The following AKT2 variants were observed in gnomAD, a reference collection of about 807,000 sequenced individuals.
The protein encoded by AKT2 is AKT serine/threonine kinase 2.
AKT2 carries 16 observed loss-of-function variants against 58.6 expected under a neutral mutation model. That is an observed-to-expected ratio of 0.27 (90% confidence interval 0.18 to 0.41). The LOEUF (loss-of-function observed/expected upper bound fraction) is 0.41. Among genes scored for constraint, AKT2 ranks in the 10% least tolerant of loss-of-function variants. The pLI, the probability that AKT2 is intolerant of heterozygous loss-of-function variation, is 1.00. For synonymous variants in AKT2, 253 were observed against 254.0 expected (o/e 1.00, Z 0.04); for missense variants, 438 against 661.0 (o/e 0.66, Z 3.70).
chr19:40,284,891 G>T, intron 1 of AKT2: 2 of 273,212 alleles, frequency 7.3e-6, no homozygotes, highest in Non-Finnish European at 6.8e-6. Flanking sequence ...CGCCGCGCCC[G>T]AAAGGTCCAG....
chr19:40,265,229 G>A lies in AKT2; in HGVS notation c.39C>T (p.His13=), dbSNP rs1299106420. ...GCAAAAGCGGCCTCTTACCACGCTT[G>A]TGGAGCCAGCCTTCTTTGATGACAG... is the stretch of plus-strand genomic sequence containing the variant. ...EVSVIKEGWL[H]KRGEYIKTWR... The change falls in exon 2 of 14, where the codon CAC becomes CAT. Residue 13 remains histidine (H), a synonymous_variant. Coordinates refer to ENST00000392038, the MANE Select transcript of AKT2 (RefSeq NM_001626.6). 6.2e-7 allele frequency: 1 copy of A among 1,613,164 alleles called. No homozygotes were observed. Among genetic ancestry groups the A allele is most frequent in the Admixed American group, 1.7e-5 (1 of 59,850 alleles).
Position 40,285,283 on chromosome 19 carries a change from C to CT in AKT2, c.-188_-187insA, listed in dbSNP as rs1431197362. 2.5e-6 allele frequency: 1 copy of CT among 395,018 alleles called. No individual in the cohort carries two copies. Among genetic ancestry groups the CT allele is most frequent in the African/African-American group, 2.1e-5 (1 of 48,268 alleles). The allele number at this position is 395,018 out of a possible 1,614,324, so 24.5% of individuals were successfully genotyped here. A position where few individuals can be genotyped will look rare whatever the true frequency, so the allele number is the denominator to read the frequency against. ...TTGTGTTTCCCGGCAGCGGCAACGGCGCCGGCAGCGGCAGCGGCGGCGGCG... is the reference window on the plus strand; with the variant it reads ...TTGTGTTTCCCGGCAGCGGCAACGGCTGCCGGCAGCGGCAGCGGCGGCGGCG... On this transcript the variant is annotated 5_prime_UTR_variant, in exon 1 of 14. Coordinates refer to ENST00000392038, the MANE Select transcript of AKT2 (RefSeq NM_001626.6).
chr19:40,255,028 C>G, intron 4 of AKT2, 130 bp downstream of exon 4: 1 of 719,328 alleles, frequency 1.4e-6, no homozygotes, highest in South Asian at 1.5e-5. Context: ...GCTGGAGAGA[C>G]CCCCCAACCA....
At chr19:40,239,927 T>C in intron 7 of AKT2, 118 bp downstream of exon 7, 1 of 1,286,534 alleles carries the variant, frequency 7.8e-7, no homozygotes, top group Non-Finnish European at 1.1e-6. Context: ...AGCAACACCT[T>C]GCCCTGCCCG....
intron 1 of AKT2, among the ~76,000 whole-genome samples, chr19:40,283,463 G>A (rs1393862576): frequency 6.6e-6 from 1 of 152,186 alleles, no homozygotes; most frequent in Non-Finnish European, 1.5e-5. Context: ...TTCTCTCCAG[G>A]AACCACGAGC....
chr19:40,254,645 T>C (rs910415693), intron 4 of AKT2, among the ~76,000 whole-genome samples: 1 of 149,804 alleles, frequency 6.7e-6, no homozygotes, highest in African/African-American at 2.5e-5. Flanking sequence ...CTGGCTAATA[T>C]GGAGAAGCCC....
chr19:40,280,466 C>T (rs2077403988), intron 1 of AKT2, among the ~76,000 whole-genome samples: 1 of 152,126 alleles, frequency 6.6e-6, no homozygotes, highest in Non-Finnish European at 1.5e-5. Flanking sequence ...TCAAATCTAC[C>T]CACGCCCCCA....
intron 4 of AKT2, among the ~76,000 whole-genome samples, chr19:40,253,027 T>C (rs1568544318): frequency 6.6e-6 from 1 of 152,194 alleles, no homozygotes; most frequent in Admixed American, 6.5e-5. Flanking sequence ...ACAAGTCTCA[T>C]GATATTGTGG....
intron 4 of AKT2, among the ~76,000 whole-genome samples, chr19:40,254,067 C>T (rs554804970): frequency 6.6e-6 from 1 of 151,540 alleles, no homozygotes. Flanking sequence ...AACTGGGGGG[C>T]AGGGAGGTGG....
At chr19:40,252,026 G>A (rs1019189967) in intron 4 of AKT2, among the ~76,000 whole-genome samples, 1 of 152,180 alleles carries the variant, frequency 6.6e-6, no homozygotes. Context: ...GGGACAGGGA[G>A]GAGGGTCTCT....
chr19:40,250,811 G>C (rs1051818204), intron 4 of AKT2, among the ~76,000 whole-genome samples: 2 of 152,156 alleles, frequency 1.3e-5, no homozygotes, highest in African/African-American at 4.8e-5. Flanking sequence ...CTGGGCAACA[G>C]AGACCCCATC....
chr19:40,264,187 C>CA (rs1976174301), intron 2 of AKT2, among the ~76,000 whole-genome samples: 2 of 152,164 alleles, frequency 1.3e-5, no homozygotes, highest in African/African-American at 4.8e-5. Flanking sequence ...ACAGGGCAGC[C>CA]AACCGCCACA....
chr19:40,246,534 C>T (rs1433568741), intron 4 of AKT2, among the ~76,000 whole-genome samples: 3 of 152,106 alleles, frequency 2.0e-5, no homozygotes, highest in Non-Finnish European at 4.4e-5. Context: ...TCACAGATCT[C>T]CTAAGAGATA....
chr19:40,242,560 C>T lies in AKT2; in HGVS notation c.415G>A (p.Ala139Thr). The part of the protein sequence containing the change: ...DSSTTEEMEV[A>T]VSKARAKVTM... ...ACTTTAGCCCGTGCCTTGCTGACCG[C>T]CACTTCCATCTCCTCAGTCGTGGAG... Residue 139 changes from alanine to threonine, a missense_variant, in exon 5 of 14, where the codon GCG becomes ACG. This residue lies in a region of AKT2 where 244 missense variants were observed against 347.1 expected (regional missense o/e 0.70). Transcript: ENST00000392038. The surrounding 1 kb of genome is among the most constrained non-coding windows in gnomAD (Gnocchi z 4.3). The T allele has an allele frequency of 6.2e-7, 1 of 1,613,908 alleles. No homozygotes were observed. Among genetic ancestry groups the T allele is most frequent in the Non-Finnish European group, 8.5e-7 (1 of 1,180,026 alleles).
At chr19:40,281,516 G>C (rs944028887) in intron 1 of AKT2, among the ~76,000 whole-genome samples, 2 of 152,014 alleles carry the variant, frequency 1.3e-5, no homozygotes, top group African/African-American at 2.4e-5. Flanking sequence ...AACAAGCACA[G>C]AGCCTGACCT....
chr19:40,263,865 C>T (rs182767608), intron 2 of AKT2, among the ~76,000 whole-genome samples: 31 of 152,320 alleles, frequency 2.0e-4, no homozygotes, highest in African/African-American at 7.0e-4. Context: ...TCTGGCATAA[C>T]TGTGAGGCTC....
At chr19:40,282,819 G>C (rs750303457) in intron 1 of AKT2, 1 of 278,840 alleles carries the variant, frequency 3.6e-6, no homozygotes, top group Non-Finnish European at 7.1e-6. Context: ...CCAAAGCACA[G>C]GGCTGGGCAG....
intron 2 of AKT2, 116 bp from the exon 3 acceptor site, chr19:40,257,170 A>T: frequency 7.3e-7 from 1 of 1,372,886 alleles, no homozygotes; most frequent in Non-Finnish European, 1.0e-6. Flanking sequence ...CGGGGCGGGG[A>T]GGTGCGGGGG....
chr19:40,258,419 C>T (rs1323179099), intron 2 of AKT2, among the ~76,000 whole-genome samples: 3 of 151,898 alleles, frequency 2.0e-5, no homozygotes, highest in African/African-American at 7.2e-5. Context: ...CCTGTAAAAT[C>T]CTAGCACTTT....
Sources: gnomAD v4.1 joint callset for allele counts (sites outside exome capture counted in the v4.1 genomes callset) on GRCh38, gnomAD v4.1.1 for gene constraint, gnomAD v4.1.1 regional missense constraint, Gnocchi (gnomAD v3.1) non-coding constraint, MANE v1.5 for transcripts, NCBI Gene and HGNC (gene_info 2026-07-23, HGNC 2026-07-21) for gene names.